The following CCDC6 variants were observed in gnomAD, a reference collection of about 807,000 sequenced individuals.
The protein encoded by CCDC6 is coiled-coil domain-containing protein 6.
Under a neutral mutation model 56.6 loss-of-function variants are expected in CCDC6, and 20 were observed. That is an observed-to-expected ratio of 0.35 (90% CI 0.25 to 0.51). CCDC6 has a LOEUF of 0.51. Among genes scored for constraint, CCDC6 ranks in the 20% least tolerant of loss-of-function variants. CCDC6 has a pLI of 0.95. For missense variants in CCDC6, 367 were observed against 601.1 expected, an observed-to-expected ratio of 0.61 and a Z score of 4.07; for synonymous variants, 241 against 234.4, an observed-to-expected ratio of 1.03 and a Z score of -0.26.
rs1338327934 is a variant in CCDC6, at chr10:59,789,334, T to C, written c.*3583A>G. On this transcript the variant is annotated 3_prime_UTR_variant, in exon 9 of 9. Coordinates refer to ENST00000263102, the MANE Select transcript of CCDC6 (RefSeq NM_005436.5). Reference sequence around the variant, plus strand: ...ACACAGGATTTTTTCAGTTGCCTCATGAGAGGCAACCTGGGCTTGGCAGTT... The same window carrying C: ...ACACAGGATTTTTTCAGTTGCCTCACGAGAGGCAACCTGGGCTTGGCAGTT... The C allele has an allele frequency of 4.3e-6, 1 of 231,028 alleles. No homozygotes were observed. Among genetic ancestry groups the C allele is most frequent in the Non-Finnish European group, 8.6e-6 (1 of 116,696 alleles). 14.3% of individuals were successfully genotyped at this position (231,028 alleles called of 1,614,324 possible). A position where few individuals can be genotyped will look rare whatever the true frequency, so the allele number is the denominator to read the frequency against.
At chr10:59,858,283 C>T (rs143063870) in intron 1 of CCDC6, among the ~76,000 whole-genome samples, 195 of 152,230 alleles carry the variant, frequency 1.3e-3, no homozygotes, top group African/African-American at 3.9e-3. Flanking sequence ...ACGCTTCCTC[C>T]GCATACTGCA....
In CCDC6 at chr10:59,807,198, T is replaced by C. The variant is rs908949356; in HGVS notation, c.848-120A>G. 6.7e-6 allele frequency: 6 copies of C among 898,186 alleles called. No individual in the cohort carries two copies. The African/African-American group carries it at 8.4e-5, about 13-fold the overall frequency. The allele number at this position is 898,186 out of a possible 1,614,324, so 55.6% of individuals were successfully genotyped here. A position where few individuals can be genotyped will look rare whatever the true frequency, so the allele number is the denominator to read the frequency against. On this transcript the variant is annotated intron_variant, in intron 5 of 8. Coordinates refer to ENST00000263102, the MANE Select transcript of CCDC6 (RefSeq NM_005436.5). The stretch of plus-strand genomic sequence containing the variant: ...CAGAGGGAATTGTTACAAGATGGTC[T>C]TTCTGGTCGGGTATGGTGGCTCACA...
chr10:59,870,293 G>T (rs186701710), intron 1 of CCDC6, among the ~76,000 whole-genome samples: 1 of 152,244 alleles, frequency 6.6e-6, no homozygotes, highest in East Asian at 1.9e-4. Context: ...CTGGTTAACT[G>T]AAGTTCAAAG....
intron 7 of CCDC6, among the ~76,000 whole-genome samples, chr10:59,799,446 C>T (rs1410976966): frequency 6.6e-6 from 1 of 152,074 alleles, no homozygotes; most frequent in South Asian, 2.1e-4. Flanking sequence ...ATCTCCTTCT[C>T]TAGCTGTTAC....
chr10:59,836,067 A>T (rs2070879939), intron 2 of CCDC6, among the ~76,000 whole-genome samples: 1 of 151,286 alleles, frequency 6.6e-6, no homozygotes, highest in African/African-American at 2.4e-5. Context: ...AAAAAAAAAA[A>T]AAAAAAAGCT....
intron 3 of CCDC6, among the ~76,000 whole-genome samples, chr10:59,827,513 A>G (rs1322310874): frequency 3.8e-5 from 4 of 105,396 alleles, no homozygotes; most frequent in Non-Finnish European, 7.1e-5. Flanking sequence ...TACAAATAAG[A>G]ATTGCAACTG....
At chr10:59,860,355 G>A (rs148717551) in intron 1 of CCDC6, among the ~76,000 whole-genome samples, 8 of 152,250 alleles carry the variant, frequency 5.3e-5, no homozygotes, top group Non-Finnish European at 1.2e-4. Flanking sequence ...ATGCTGTGGA[G>A]ACCCTATCTC....
At chr10:59,856,925 T>A (rs1243687653) in intron 1 of CCDC6, among the ~76,000 whole-genome samples, 1 of 152,198 alleles carries the variant, frequency 6.6e-6, no homozygotes, top group Non-Finnish European at 1.5e-5. Flanking sequence ...TTTCCTACTG[T>A]TTTCCCTTTT....
At position 59,789,033 on chromosome 10, in the gene CCDC6, T is replaced by C. The variant is rs1350222549; in HGVS notation, c.*3884A>G. 1.8e-5 allele frequency: 4 copies of C among 222,970 alleles called. No homozygotes were observed. The highest frequency in any genetic ancestry group is 3.6e-5 in the Non-Finnish European group (4 of 111,654). The allele number at this position is 222,970 out of a possible 1,614,324, so 13.8% of individuals were successfully genotyped here. A position where few individuals can be genotyped will look rare whatever the true frequency, so the allele number is the denominator to read the frequency against. On this transcript the variant is annotated 3_prime_UTR_variant, in exon 9 of 9. Coordinates refer to ENST00000263102, the MANE Select transcript of CCDC6 (RefSeq NM_005436.5). Reference sequence around the variant, plus strand: ...CCTCTTTTCCTTGTTGACATCTTTCTGTTGGACAGTCCACTTTCGCTTTCC... The same window carrying C: ...CCTCTTTTCCTTGTTGACATCTTTCCGTTGGACAGTCCACTTTCGCTTTCC...
chr10:59,797,264 T>C (rs1055107183), intron 7 of CCDC6, among the ~76,000 whole-genome samples: 4 of 152,040 alleles, frequency 2.6e-5, no homozygotes, highest in Non-Finnish European at 5.9e-5. Context: ...AAGTTTCAGT[T>C]AAGCAAAACG....
At chr10:59,800,209 GT>G (rs1235133456) in intron 7 of CCDC6, among the ~76,000 whole-genome samples, 1 of 152,132 alleles carries the variant, frequency 6.6e-6, no homozygotes, top group Non-Finnish European at 1.5e-5. Flanking sequence ...ATTGACATTG[GT>G]ATAATATTAG....
chr10:59,878,815 T>C (rs117502156), intron 1 of CCDC6, among the ~76,000 whole-genome samples: 2,548 of 152,298 alleles, frequency 0.017, 30 homozygotes, highest in Middle Eastern at 0.044. Flanking sequence ...GAAGTTTTTT[T>C]GGATGAAGAG....
At chr10:59,899,272 C>T (rs1224357633) in intron 1 of CCDC6, among the ~76,000 whole-genome samples, 1 of 152,126 alleles carries the variant, frequency 6.6e-6, no homozygotes, top group Non-Finnish European at 1.5e-5. Flanking sequence ...ATTCAATATA[C>T]CTGAAAACAA....
intron 1 of CCDC6, among the ~76,000 whole-genome samples, chr10:59,872,787 T>TG (rs1046215443): frequency 2.9e-5 from 2 of 69,510 alleles, no homozygotes; most frequent in Admixed American, 1.7e-4. Flanking sequence ...GATGGGGGGG[T>TG]GGGGGAAGGT....
intron 3 of CCDC6, among the ~76,000 whole-genome samples, chr10:59,816,896 C>T (rs555466875): frequency 6.6e-6 from 1 of 152,264 alleles, no homozygotes; most frequent in African/African-American, 2.4e-5. Context: ...ATGTAGCAAA[C>T]TGGAAACAGA....
At chr10:59,867,658 A>G (rs1197331221) in intron 1 of CCDC6, among the ~76,000 whole-genome samples, 1 of 152,114 alleles carries the variant, frequency 6.6e-6, no homozygotes, top group Non-Finnish European at 1.5e-5. Context: ...GGCTTGAGTA[A>G]TTTTCCCACC....
chr10:59,804,570 C>G (rs749093584), intron 6 of CCDC6, 50 bp from the exon 7 acceptor site: 20 of 1,030,428 alleles, frequency 1.9e-5, no homozygotes, highest in Admixed American at 5.2e-5. Flanking sequence ...TTAAATAGGC[C>G]TTAGGAGAGT....
At chr10:59,818,789 G>A (rs1337465611) in intron 3 of CCDC6, among the ~76,000 whole-genome samples, 1 of 152,108 alleles carries the variant, frequency 6.6e-6, no homozygotes, top group Non-Finnish European at 1.5e-5. Context: ...GAAAATGAAT[G>A]AGTACAAATT....
chr10:59,860,686 A>G (rs1384171655), intron 1 of CCDC6, among the ~76,000 whole-genome samples: 1 of 152,124 alleles, frequency 6.6e-6, no homozygotes, highest in Non-Finnish European at 1.5e-5. Context: ...ACCCAACTCA[A>G]TTACTGATCA....
Sources: gnomAD v4.1 joint callset for allele counts (sites outside exome capture counted in the v4.1 genomes callset) on GRCh38, gnomAD v4.1.1 for gene constraint, MANE v1.5 for transcripts, NCBI Gene and HGNC (gene_info 2026-07-23, HGNC 2026-07-21) for gene names.